The following ERBB4 variants were observed in gnomAD, a reference collection of about 807,000 sequenced individuals.
The protein encoded by ERBB4 is receptor tyrosine-protein kinase erbB-4.
Under a neutral mutation model 158.0 loss-of-function variants are expected in ERBB4, and 42 were observed. That is an observed-to-expected ratio of 0.27 (90% CI 0.21 to 0.34). The LOEUF is 0.34. Ranked by LOEUF, ERBB4 falls within the 10% of genes least tolerant of loss-of-function variation. ERBB4 has a pLI of 1.00. For missense variants in ERBB4, 1,333 were observed against 1,624.1 expected, an observed-to-expected ratio of 0.82 and a Z score of 3.08; for synonymous variants, 583 against 558.7, an observed-to-expected ratio of 1.04 and a Z score of -0.61.
At chr2:211,852,320 A>G (rs2077738966) in intron 3 of ERBB4, among the ~76,000 whole-genome samples, 1 of 152,002 alleles carries the variant, frequency 6.6e-6, no homozygotes, top group Non-Finnish European at 1.5e-5. Context: ...ACATTTTAAT[A>G]TAGAAAAAGA....
intron 2 of ERBB4, among the ~76,000 whole-genome samples, chr2:212,055,937 T>C (rs2077551534): frequency 6.6e-6 from 1 of 152,206 alleles, no homozygotes; most frequent in Non-Finnish European, 1.5e-5. Context: ...AGAATGACTT[T>C]GACAAGTTGA....
chr2:211,929,128 T>C (rs2080099525), intron 3 of ERBB4, among the ~76,000 whole-genome samples: 1 of 152,128 alleles, frequency 6.6e-6, no homozygotes, highest in South Asian at 2.1e-4. Flanking sequence ...CAGTACAGTT[T>C]GTGATCTCAA....
intron 1 of ERBB4, among the ~76,000 whole-genome samples, chr2:212,494,714 T>TA (rs979454373): frequency 1.3e-5 from 2 of 152,064 alleles, no homozygotes; most frequent in African/African-American, 2.4e-5. Flanking sequence ...GCATCACCCT[T>TA]AAAAAAATCC....
chr2:211,452,540 C>T (rs1460919391), intron 20 of ERBB4, among the ~76,000 whole-genome samples: 1 of 152,134 alleles, frequency 6.6e-6, no homozygotes, highest in Non-Finnish European at 1.5e-5. Flanking sequence ...TATGTATACT[C>T]TTTCAGTTAT....
At chr2:211,995,710 C>A (rs1208346615) in intron 2 of ERBB4, among the ~76,000 whole-genome samples, 2 of 152,056 alleles carry the variant, frequency 1.3e-5, no homozygotes, top group African/African-American at 4.8e-5. Flanking sequence ...CATCTAATGC[C>A]CCTGACTTCT....
At chr2:212,133,775 A>G (rs900289986) in intron 1 of ERBB4, among the ~76,000 whole-genome samples, 2 of 152,126 alleles carry the variant, frequency 1.3e-5, no homozygotes, top group African/African-American at 4.8e-5. Context: ...CCTAGGTAAC[A>G]AAGTGGGACC....
At chr2:212,308,972 C>G (rs2086916445) in intron 1 of ERBB4, among the ~76,000 whole-genome samples, 1 of 150,948 alleles carries the variant, frequency 6.6e-6, no homozygotes, top group Non-Finnish European at 1.5e-5. Flanking sequence ...AGTAATCTCC[C>G]TTGAGGAGGT....
chr2:212,252,606 T>C (rs2084580110), intron 1 of ERBB4, among the ~76,000 whole-genome samples: 1 of 152,004 alleles, frequency 6.6e-6, no homozygotes, highest in African/African-American at 2.4e-5. Context: ...TTGTTTTTTC[T>C]TGGAAAGGAA....
chr2:212,184,961 C>T (rs2081973717), intron 1 of ERBB4, among the ~76,000 whole-genome samples: 1 of 151,918 alleles, frequency 6.6e-6, no homozygotes, highest in South Asian at 2.1e-4. Flanking sequence ...GTTCATAACA[C>T]ATATACACAC....
At chr2:211,691,602 G>GTGTA (rs1225867697) in intron 12 of ERBB4, among the ~76,000 whole-genome samples, 113 of 145,418 alleles carry the variant, frequency 7.8e-4, no homozygotes, top group African/African-American at 2.7e-3. Flanking sequence ...GTGTGTGTGT[G>GTGTA]TATATATATA....
chr2:211,473,582 C>A (rs910157391), intron 20 of ERBB4, among the ~76,000 whole-genome samples: 9 of 152,016 alleles, frequency 5.9e-5, no homozygotes, highest in Admixed American at 1.3e-4. Flanking sequence ...AAAACTTTTT[C>A]CTTTTCCCAT....
chr2:212,529,323 A>G (rs1692620702), intron 1 of ERBB4, among the ~76,000 whole-genome samples: 1 of 152,210 alleles, frequency 6.6e-6, no homozygotes, highest in Non-Finnish European at 1.5e-5. Context: ...AGTGGTATCC[A>G]CATTCCACAT....
At chr2:212,468,810 C>T (rs926573223) in intron 1 of ERBB4, among the ~76,000 whole-genome samples, 2 of 152,144 alleles carry the variant, frequency 1.3e-5, no homozygotes, top group Non-Finnish European at 2.9e-5. Context: ...TATAAACATC[C>T]AGCAGAATTC....
rs2062572981 is a variant in ERBB4 at position 211,381,489 on chromosome 2, G to A, written c.*2126C>T. The A allele has an allele frequency of 4.3e-6, 1 of 231,534 alleles. No individual in the cohort carries two copies. The highest frequency in any genetic ancestry group is 2.2e-5 in the African/African-American group (1 of 45,240). The allele number at this position is 231,534 out of a possible 1,614,324, so 14.3% of individuals were successfully genotyped here. ...TTACAGTACAACTGATTATATGACA[G>A]CTATTCACAAAAGAGACTATGCAAT... On this transcript the variant is annotated 3_prime_UTR_variant, in exon 28 of 28. Coordinates refer to ENST00000342788, the MANE Select transcript of ERBB4 (RefSeq NM_005235.3).
intron 3 of ERBB4, among the ~76,000 whole-genome samples, chr2:211,883,087 C>T (rs1036171514): frequency 1.3e-5 from 2 of 152,136 alleles, no homozygotes; most frequent in Admixed American, 6.6e-5. Context: ...GAAAATGTGG[C>T]ACATATATAC....
intron 1 of ERBB4, among the ~76,000 whole-genome samples, chr2:212,436,880 C>A (rs1257612287): frequency 1.3e-5 from 2 of 151,696 alleles, no homozygotes. Flanking sequence ...GTAGAGCACA[C>A]CAGAGACAAG....
At chr2:211,599,184 C>A (rs559460782) in intron 19 of ERBB4, among the ~76,000 whole-genome samples, 7 of 152,248 alleles carry the variant, frequency 4.6e-5, no homozygotes, top group African/African-American at 1.7e-4. Flanking sequence ...TAACACTGAG[C>A]TTTAAGAAAA....
intron 1 of ERBB4, 71 bp downstream of exon 1, chr2:212,538,378 C>G: frequency 7.4e-7 from 1 of 1,343,634 alleles, no homozygotes; most frequent in Non-Finnish European, 1.1e-6. Context: ...GTGAAGAGGG[C>G]AGGGGAGCCA....
intron 1 of ERBB4, among the ~76,000 whole-genome samples, chr2:212,222,421 G>T (rs1440674137): frequency 6.6e-6 from 1 of 151,516 alleles, no homozygotes; most frequent in East Asian, 1.9e-4. Context: ...AAAATTAAGA[G>T]AAATCAACTC....
Sources: gnomAD v4.1 joint callset for allele counts (sites outside exome capture counted in the v4.1 genomes callset) on GRCh38, gnomAD v4.1.1 for gene constraint, MANE v1.5 for transcripts, NCBI Gene and HGNC (gene_info 2026-07-23, HGNC 2026-07-21) for gene names.